TRIQK: variants seen among roughly 807,000 people sequenced by gnomAD.
TRIQK encodes the protein triple QxxK/R motif-containing protein.
In TRIQK, 10 loss-of-function variants were observed where a neutral mutation model predicts 10.8. That is an observed-to-expected ratio of 0.92 (90% CI 0.57 to 1.57). The LOEUF (loss-of-function observed/expected upper bound fraction) is 1.57, where lower values mean the gene tolerates loss of function less well. Ranked by LOEUF, TRIQK falls within the 40% of genes most tolerant of loss-of-function variation. TRIQK has a pLI of 0.00. For synonymous variants in TRIQK, 33 were observed against 33.7 expected (o/e 0.98, Z 0.07); for missense variants, 107 against 97.7 (o/e 1.09, Z -0.40).
At chr8:92,962,662 C>T (rs955367463) in intron 1 of TRIQK, among the ~76,000 whole-genome samples, 1 of 152,166 alleles carries the variant, frequency 6.6e-6, no homozygotes, top group African/African-American at 2.4e-5. Flanking sequence ...GGCCTCAGAT[C>T]CCACTTCTTC....
chr8:92,975,975 A>G (rs1812927614), intron 1 of TRIQK, among the ~76,000 whole-genome samples: 1 of 151,932 alleles, frequency 6.6e-6, no homozygotes, highest in Admixed American at 6.6e-5. Flanking sequence ...GATTATCCAG[A>G]TAATTTCCTG....
At chr8:92,984,442 G>A (rs1022634421) in intron 1 of TRIQK, among the ~76,000 whole-genome samples, 18 of 152,200 alleles carry the variant, frequency 1.2e-4, no homozygotes, top group African/African-American at 3.4e-4. Flanking sequence ...GGTCAAGTTG[G>A]ACAGGGATCT....
chr8:92,900,193 G>C (rs1459166840), intron 3 of TRIQK, among the ~76,000 whole-genome samples: 1 of 151,970 alleles, frequency 6.6e-6, no homozygotes, highest in South Asian at 2.1e-4. Flanking sequence ...CCCATTCTGT[G>C]GGTTGTCCCT....
At chr8:93,015,134 A>G (rs2130765595) in intron 1 of TRIQK, among the ~76,000 whole-genome samples, 1 of 152,036 alleles carries the variant, frequency 6.6e-6, no homozygotes, top group Non-Finnish European at 1.5e-5. Context: ...AATTTATAAA[A>G]TTATCTATTT....
intron 1 of TRIQK, among the ~76,000 whole-genome samples, chr8:92,964,669 T>C (rs145915030): frequency 1.3e-3 from 199 of 151,222 alleles, no homozygotes; most frequent in African/African-American, 4.6e-3. Flanking sequence ...GCAATACTTA[T>C]ACGTGTTTAT....
At chr8:93,006,211 T>C (rs552191557) in intron 1 of TRIQK, among the ~76,000 whole-genome samples, 1 of 152,040 alleles carries the variant, frequency 6.6e-6, no homozygotes, top group South Asian at 2.1e-4. Context: ...GAGGCTCCCA[T>C]CTAGAAGAAC....
At chr8:92,916,449 A>G (rs1429255019) in intron 3 of TRIQK, among the ~76,000 whole-genome samples, 3 of 152,046 alleles carry the variant, frequency 2.0e-5, no homozygotes, top group African/African-American at 7.2e-5. Flanking sequence ...TCTTTCACAT[A>G]TGACCTCTGG....
chr8:92,906,645 A>T (rs1292547503), intron 3 of TRIQK, among the ~76,000 whole-genome samples: 1 of 149,676 alleles, frequency 6.7e-6, no homozygotes, highest in Non-Finnish European at 1.5e-5. Context: ...TTTTAAAAAC[A>T]TTTCTTCCTC....
chr8:92,888,558 G>A (rs1178915934), intron 4 of TRIQK, among the ~76,000 whole-genome samples: 2 of 151,600 alleles, frequency 1.3e-5, no homozygotes, highest in Non-Finnish European at 3.0e-5. Context: ...GAGGCTGAAT[G>A]TCGGGAGAGT....
At chr8:92,911,555 C>T (rs762030644) in intron 3 of TRIQK, among the ~76,000 whole-genome samples, 2 of 151,214 alleles carry the variant, frequency 1.3e-5, no homozygotes, top group Non-Finnish European at 3.0e-5. Context: ...TAATGACACA[C>T]ACAGGCCGAA....
intron 2 of TRIQK, among the ~76,000 whole-genome samples, chr8:92,932,297 C>T (rs1298841798): frequency 2.6e-5 from 4 of 152,162 alleles, no homozygotes; most frequent in Non-Finnish European, 5.9e-5. Flanking sequence ...TTCAATCATA[C>T]ATCTAGCATC....
At chr8:93,003,411 C>A (rs988563427) in intron 1 of TRIQK, among the ~76,000 whole-genome samples, 1 of 151,756 alleles carries the variant, frequency 6.6e-6, no homozygotes, top group Non-Finnish European at 1.5e-5. Flanking sequence ...ATCATGAGAC[C>A]AGCAAGAGAG....
chr8:92,926,930 A>T (rs887978571), intron 2 of TRIQK, among the ~76,000 whole-genome samples: 2 of 152,294 alleles, frequency 1.3e-5, no homozygotes, highest in Admixed American at 1.3e-4. Flanking sequence ...TTGTGCCTGT[A>T]ATACCAGCTA....
chr8:92,996,250 TTC>T (rs1813153023), intron 1 of TRIQK, among the ~76,000 whole-genome samples: 1 of 152,130 alleles, frequency 6.6e-6, no homozygotes, highest in Admixed American at 6.5e-5. Flanking sequence ...AAGTCTTCCA[TTC>T]TGTTTTCTAT....
chr8:92,896,820 C>CT lies in TRIQK; in HGVS notation c.62-4747dup, dbSNP rs554330610. On this transcript the variant is annotated intron_variant, in intron 3 of 4. Transcript: ENST00000521988. ...TCAACATTGCATTTTCTTTTTCTTT[C>CT]TTTTTTTTTTTTTTAGATGTTGTTT... 1.4e-3 allele frequency among the ~76,000 whole-genome samples: 191 copies of CT among 141,028 alleles called. 1 individual carries two copies. Among genetic ancestry groups the CT allele is most frequent in the African/African-American group, 2.3e-3 (89 of 38,626 alleles). 92.5% of individuals were successfully genotyped at this position (141,028 alleles called of 152,430 possible).
chr8:93,004,400 G>T (rs1423895291), intron 1 of TRIQK, among the ~76,000 whole-genome samples: 1 of 152,210 alleles, frequency 6.6e-6, no homozygotes, highest in Non-Finnish European at 1.5e-5. Context: ...ACAGCCTTGG[G>T]CTTGGCCCAC....
chr8:93,011,571 C>T (rs985522211), intron 1 of TRIQK, among the ~76,000 whole-genome samples: 1 of 151,938 alleles, frequency 6.6e-6, no homozygotes, highest in Non-Finnish European at 1.5e-5. Flanking sequence ...TTCAGGTTCC[C>T]CTTCCTGGTC....
chr8:92,990,755 C>A (rs934582490), intron 1 of TRIQK, among the ~76,000 whole-genome samples: 3 of 152,184 alleles, frequency 2.0e-5, no homozygotes, highest in African/African-American at 7.2e-5. Flanking sequence ...GTCATTGCAA[C>A]CCGCAGACCA....
At chr8:93,012,015 A>G (rs1485146295) in intron 1 of TRIQK, among the ~76,000 whole-genome samples, 1 of 152,202 alleles carries the variant, frequency 6.6e-6, no homozygotes, top group Non-Finnish European at 1.5e-5. Context: ...TGTAAGCTGG[A>G]GAAAAGTATC....
Sources: allele counts gnomAD v4.1 joint callset (sites outside exome capture counted in the v4.1 genomes callset), GRCh38; gene constraint gnomAD v4.1.1; transcripts MANE v1.5; gene names NCBI Gene and HGNC (gene_info 2026-07-23, HGNC 2026-07-21).